The following GIN1 variants were observed in gnomAD, a reference collection of about 807,000 sequenced individuals.
The protein encoded by GIN1 is gypsy retrotransposon integrase-like protein 1.
In GIN1, 41 loss-of-function variants were observed where a neutral mutation model predicts 51.4. The observed-to-expected ratio is 0.80, with a 90% CI of 0.62 to 1.04. GIN1 has a LOEUF of 1.04. GIN1 is among the 50% of genes least tolerant of loss of function. The probability of loss-of-function intolerance (pLI) is 0.00; values close to 1 mark genes in which losing one functional copy is unlikely to be tolerated. For synonymous variants in GIN1, 222 were observed against 206.5 expected (o/e 1.07, Z -0.64); for missense variants, 610 against 612.4 (o/e 1.00, Z 0.04).
chr5:103,100,261 G>A (rs1175622551), intron 4 of GIN1, among the ~76,000 whole-genome samples: 3 of 151,614 alleles, frequency 2.0e-5, no homozygotes, highest in African/African-American at 7.3e-5. Context: ...TACCACTCCT[G>A]GCTAATTGTT....
chr5:103,096,264 C>G (rs1329204570), intron 7 of GIN1, among the ~76,000 whole-genome samples: 2 of 151,854 alleles, frequency 1.3e-5, no homozygotes, highest in Non-Finnish European at 2.9e-5. Flanking sequence ...TGCTTGAACC[C>G]GGGAGGCAGA....
chr5:103,097,211 A>ATG lies in GIN1; in HGVS notation c.1008+101_1008+102dup, dbSNP rs139034163. The ATG allele has an allele frequency of 2.6e-4, 176 of 668,346 alleles. 1 individual carries two copies. Among genetic ancestry groups the ATG allele is most frequent in the Non-Finnish European group, 3.5e-4 (137 of 388,670 alleles). The allele number at this position is 668,346 out of a possible 1,614,324, so 41.4% of individuals were successfully genotyped here. A position where few individuals can be genotyped will look rare whatever the true frequency, so the allele number is the denominator to read the frequency against. On this transcript the variant is annotated intron_variant, in intron 6 of 7. Coordinates refer to ENST00000399004, the MANE Select transcript of GIN1 (RefSeq NM_017676.2). Reference sequence around the variant, plus strand: ...AGATAAAAAATTATGGCAAGTAAGTATGTGTGTGTGTGTGCATGCACACAT... The same window carrying ATG: ...AGATAAAAAATTATGGCAAGTAAGTATGTGTGTGTGTGTGTGCATGCACACAT...
chr5:103,098,055 G>C (rs782208491), intron 4 of GIN1, among the ~76,000 whole-genome samples: 1 of 151,984 alleles, frequency 6.6e-6, no homozygotes, highest in Admixed American at 6.6e-5. Flanking sequence ...GCTAATTTTC[G>C]TATTTCTAGT....
rs1407917190 is a variant in GIN1, at chr5:103,086,977, T to C, written c.*921A>G. 6.6e-6 allele frequency: 1 copy of C among 152,310 alleles called. No homozygotes were observed. The highest frequency in any genetic ancestry group is 1.9e-4 in the East Asian group (1 of 5,184). The allele number at this position is 152,310 out of a possible 1,614,324, so 9.4% of individuals were successfully genotyped here. A position where few individuals can be genotyped will look rare whatever the true frequency, so the allele number is the denominator to read the frequency against. On this transcript the variant is annotated 3_prime_UTR_variant, in exon 8 of 8. Coordinates refer to ENST00000399004, the MANE Select transcript of GIN1 (RefSeq NM_017676.2). ...GCAGAAAAAATTCTTAACGGATACT[T>C]TTGTTGTTGTTGTTGAGACAGGTCT...
chr5:103,110,026 A>C (rs1330287728), intron 1 of GIN1, among the ~76,000 whole-genome samples: 1 of 152,126 alleles, frequency 6.6e-6, no homozygotes, highest in Non-Finnish European at 1.5e-5. Context: ...CAATTAGATA[A>C]CTGTATTAGG....
intron 7 of GIN1, among the ~76,000 whole-genome samples, chr5:103,096,277 T>TTGCA: frequency 6.6e-6 from 1 of 151,996 alleles, no homozygotes; most frequent in Non-Finnish European, 1.5e-5. Flanking sequence ...GAGGCAGAGG[T>TTGCA]TGCAGTGAGC....
intron 1 of GIN1, among the ~76,000 whole-genome samples, chr5:103,110,131 A>G (rs1361495529): frequency 6.6e-6 from 1 of 152,072 alleles, no homozygotes; most frequent in African/African-American, 2.4e-5. Flanking sequence ...AATAACAATG[A>G]TTCTGGAAGA....
At chr5:103,113,166 GT>G (rs1260879278) in intron 1 of GIN1, among the ~76,000 whole-genome samples, 1 of 152,104 alleles carries the variant, frequency 6.6e-6, no homozygotes, top group Admixed American at 6.6e-5. Context: ...AGTCACAGAG[GT>G]CACACTAAAA....
intron 1 of GIN1, among the ~76,000 whole-genome samples, chr5:103,114,852 A>G (rs562650211): frequency 6.6e-6 from 1 of 152,330 alleles, no homozygotes; most frequent in South Asian, 2.1e-4. Flanking sequence ...TTCTGGTAAT[A>G]GAAGTCTGGG....
chr5:103,113,340 A>C (rs569364692), intron 1 of GIN1, among the ~76,000 whole-genome samples: 1 of 152,296 alleles, frequency 6.6e-6, no homozygotes, highest in East Asian at 1.9e-4. Context: ...TACAAGATCA[A>C]GATGCCAGCA....
rs2270563 is a variant in GIN1, at chr5:103,097,300, T to C, written c.1008+14A>G. 28 of 1,485,282 alleles carry C rather than the reference T, an allele frequency of 1.9e-5. No homozygotes were observed. The East Asian group carries it at 5.9e-4, about 31-fold the overall frequency. The allele number at this position is 1,485,282 out of a possible 1,614,324, so 92.0% of individuals were successfully genotyped here. ...AAAGTTTTAGATTACAGTTTTTCTATTGAATAGAATCACCTGGCCCAGTGA... is the reference window on the plus strand; with the variant it reads ...AAAGTTTTAGATTACAGTTTTTCTACTGAATAGAATCACCTGGCCCAGTGA... On this transcript the variant is annotated intron_variant, in intron 6 of 7. Transcript: ENST00000399004.
At chr5:103,097,284 G>A (rs1787428908) in intron 6 of GIN1, 30 bp downstream of exon 6, 2 of 1,348,842 alleles carry the variant, frequency 1.5e-6, no homozygotes, top group Non-Finnish European at 2.1e-6. Context: ...TAAAGTTTTA[G>A]ATTACAGTTT....
chr5:103,088,119 A>G lies in GIN1; in HGVS notation c.1348T>C (p.Leu450=). The change falls in exon 8 of 8, where the codon TTG becomes CTG. Residue 450 remains leucine, a synonymous_variant. Coordinates refer to ENST00000399004, the MANE Select transcript of GIN1 (RefSeq NM_017676.2). The part of the protein sequence containing the change: ...SVVADHDYIG[L]PEIPIGAYQA... ...TATGCTCCAATCGGAATTTCAGGCA[A>G]TCCAATGTAGTCATGATCTGCCACT... is the stretch of plus-strand genomic sequence containing the variant. The G allele has an allele frequency of 6.2e-7, 1 of 1,609,414 alleles. No individual in the cohort carries two copies. The highest frequency in any genetic ancestry group is 8.5e-7 in the Non-Finnish European group (1 of 1,176,410).
intron 4 of GIN1, among the ~76,000 whole-genome samples, chr5:103,100,675 A>G (rs576850596): frequency 6.6e-6 from 1 of 152,016 alleles, no homozygotes; most frequent in Non-Finnish European, 1.5e-5. Context: ...CTGAGGTATG[A>G]GCCACCATGC....
chr5:103,097,318 C>T lies in GIN1; in HGVS notation c.1004G>A (p.Gly335Asp), dbSNP rs781805394. The part of the protein sequence containing the change: ...KIMENKTTSL[G>D]QMENNNLDEL... ...TTTTCTATTGAATAGAATCACCTGGCCCAGTGAAGTTGTCTTATTCTCCAT... is the reference window on the plus strand; with the variant it reads ...TTTTCTATTGAATAGAATCACCTGGTCCAGTGAAGTTGTCTTATTCTCCAT... Residue 335 changes from glycine to aspartate, a missense_variant, in exon 6 of 8, where the codon GGC (glycine) becomes GAC (aspartate). By Grantham distance (94) the Gly-to-Asp change is moderately conservative (BLOSUM62 -1). Coordinates refer to ENST00000399004, the MANE Select transcript of GIN1 (RefSeq NM_017676.2). 6.4e-7 allele frequency: 1 copy of T among 1,570,498 alleles called. No individual in the cohort carries two copies. Among genetic ancestry groups the T allele is most frequent in the Non-Finnish European group, 8.7e-7 (1 of 1,144,246 alleles).
chr5:103,090,384 C>T (rs1787203485), intron 7 of GIN1, among the ~76,000 whole-genome samples: 1 of 152,228 alleles, frequency 6.6e-6, no homozygotes, highest in Non-Finnish European at 1.5e-5. Flanking sequence ...GAAACACTTT[C>T]AGAATGTGTT....
Position 103,094,481 on chromosome 5 carries a change from A to T in GIN1, c.1294+2060T>A, listed in dbSNP as rs534912380. Among the ~76,000 whole-genome samples the T allele has an allele frequency of 3.7e-4, 57 of 152,288 alleles. No homozygotes were observed. In the East Asian group the frequency reaches 0.01, roughly 28 times the overall value. ...GTGCAAAGAATTCAAGTATGAGGCA[A>T]ATATTATACTGCCTCTGTTTAGAGA... On this transcript the variant is annotated intron_variant, in intron 7 of 7. Coordinates refer to ENST00000399004, the MANE Select transcript of GIN1 (RefSeq NM_017676.2).
intron 1 of GIN1, among the ~76,000 whole-genome samples, chr5:103,111,326 T>C (rs1213378145): frequency 1.3e-5 from 2 of 152,108 alleles, no homozygotes; most frequent in African/African-American, 4.8e-5. Context: ...AGACTATACA[T>C]ACTGTAAAAT....
At chr5:103,118,199 A>G (rs1459520548) in intron 1 of GIN1, among the ~76,000 whole-genome samples, 1 of 152,206 alleles carries the variant, frequency 6.6e-6, no homozygotes, top group Non-Finnish European at 1.5e-5. Context: ...AAAACATTAC[A>G]GTTCACTTTC....
Sources: gnomAD v4.1 joint callset for allele counts (sites outside exome capture counted in the v4.1 genomes callset) on GRCh38, gnomAD v4.1.1 for gene constraint, MANE v1.5 for transcripts, NCBI Gene and HGNC (gene_info 2026-07-23, HGNC 2026-07-21) for gene names.